Variants in LINGO2 observed in about 807,000 individuals in gnomAD.
LINGO2 encodes leucine-rich repeat and immunoglobulin-like domain-containing nogo receptor-interacting protein 2.
Under a neutral mutation model 30.6 loss-of-function variants are expected in LINGO2, and 14 were observed. That is an observed-to-expected ratio of 0.46 (90% CI 0.30 to 0.72). LINGO2 has a LOEUF of 0.72. Ranked by LOEUF, LINGO2 falls within the 30% of genes least tolerant of loss-of-function variation. LINGO2 has a pLI of 0.07. For missense variants in LINGO2, 729 were observed against 751.7 expected (o/e 0.97, Z 0.35); for synonymous variants, 317 against 288.5 (o/e 1.10, Z -1.00).
intron 4 of LINGO2, among the ~76,000 whole-genome samples, chr9:28,111,164 C>T (rs541429303): frequency 1.3e-5 from 2 of 152,162 alleles, no homozygotes; most frequent in African/African-American, 2.4e-5. Context: ...CATGTTCTCA[C>T]TCATAAGTGG....
chr9:28,883,317 C>T, the LINGO2 span, among the ~76,000 whole-genome samples: 8 of 152,102 alleles, frequency 5.3e-5, no homozygotes, highest in Middle Eastern at 3.4e-3. Context: ...ACCTCACAGG[C>T]GTGAGCCACT....
chr9:27,945,138 A>G (rs998820321), downstream of LINGO2, among the ~76,000 whole-genome samples: 1 of 152,126 alleles, frequency 6.6e-6, no homozygotes, highest in Non-Finnish European at 1.5e-5. Context: ...AGTTAAAACA[A>G]ATGTCTTGAC....
At chr9:28,357,329 A>C (rs1820260212) in intron 3 of LINGO2, among the ~76,000 whole-genome samples, 1 of 108,660 alleles carries the variant, frequency 9.2e-6, no homozygotes, top group African/African-American at 3.4e-5. Context: ...ACCCCCCCCA[A>C]AAAAGAAAGC....
At chr9:28,294,154 T>C (rs1182875704) in intron 4 of LINGO2, among the ~76,000 whole-genome samples, 1 of 152,332 alleles carries the variant, frequency 6.6e-6, no homozygotes, top group East Asian at 1.9e-4. Flanking sequence ...AAAGTTAATG[T>C]TTATTAAACT....
At chr9:28,254,656 C>T (rs913283203) in intron 4 of LINGO2, among the ~76,000 whole-genome samples, 78 of 152,000 alleles carry the variant, frequency 5.1e-4, no homozygotes, top group African/African-American at 1.8e-3. Flanking sequence ...GCCATAACAT[C>T]TGTCCTTTTA....
At chr9:28,946,047 T>C in the LINGO2 span, among the ~76,000 whole-genome samples, 2 of 152,180 alleles carry the variant, frequency 1.3e-5, no homozygotes, top group African/African-American at 4.8e-5. Context: ...TTATCAAACC[T>C]ATCAGTAGAT....
chr9:28,664,391 C>T (rs1374491835), intron 1 of LINGO2, among the ~76,000 whole-genome samples: 1 of 151,948 alleles, frequency 6.6e-6, no homozygotes, highest in Non-Finnish European at 1.5e-5. Context: ...AGGTTAGAAG[C>T]CTGAGAGACC....
chr9:28,094,510 GAT>G (rs1346667416), intron 4 of LINGO2, among the ~76,000 whole-genome samples: 5 of 146,942 alleles, frequency 3.4e-5, no homozygotes, highest in African/African-American at 7.7e-5. Context: ...AGAGAAAGGG[GAT>G]ATGTGTGTGT....
intron 3 of LINGO2, among the ~76,000 whole-genome samples, chr9:28,312,393 T>C (rs1178706587): frequency 6.6e-6 from 1 of 151,648 alleles, no homozygotes; most frequent in Non-Finnish European, 1.5e-5. Flanking sequence ...TCAAGGAAAA[T>C]AAGAAAATGA....
chr9:28,691,341 C>A, the LINGO2 span, among the ~76,000 whole-genome samples: 1 of 152,086 alleles, frequency 6.6e-6, no homozygotes, highest in Non-Finnish European at 1.5e-5. Flanking sequence ...GCTCGCTCAC[C>A]CTTGGGTAAA....
At chr9:28,246,771 A>G (rs562487424) in intron 4 of LINGO2, among the ~76,000 whole-genome samples, 1 of 152,332 alleles carries the variant, frequency 6.6e-6, no homozygotes, top group Admixed American at 6.5e-5. Flanking sequence ...ATTAAACTAA[A>G]GAGCTTCTGC....
chr9:28,588,162 A>G (rs181607914), intron 1 of LINGO2, among the ~76,000 whole-genome samples: 1 of 152,218 alleles, frequency 6.6e-6, no homozygotes, highest in East Asian at 1.9e-4. Context: ...GACATAGTTC[A>G]GTAAGGCAGC....
rs150008201 is a variant in LINGO2 at position 28,389,705 on chromosome 9, C to A, written c.-278-16837G>T. On this transcript the variant is annotated intron_variant, in intron 2 of 5. Transcript: ENST00000379992. ...CAACTTCCCACACGAAACAAACAAA[C>A]GAAAACCTCACCTTTCATAAATGCA... Among the ~76,000 whole-genome samples the A allele has an allele frequency of 7.0e-3, 1,066 of 152,270 alleles. 10 individuals carry two copies. The highest frequency in any genetic ancestry group is 0.025 in the African/African-American group (1,023 of 41,572).
At chr9:29,073,839 T>C in the LINGO2 span, among the ~76,000 whole-genome samples, 7 of 152,184 alleles carry the variant, frequency 4.6e-5, no homozygotes, top group African/African-American at 1.7e-4. Context: ...ACACAAATGT[T>C]TATTTGACAA....
At chr9:28,628,549 T>G (rs1826790670) in intron 1 of LINGO2, among the ~76,000 whole-genome samples, 1 of 152,106 alleles carries the variant, frequency 6.6e-6, no homozygotes, top group South Asian at 2.1e-4. Context: ...GTAACTGATT[T>G]TCCAAGGCTT....
chr9:28,522,421 A>G (rs1258351909), intron 1 of LINGO2, among the ~76,000 whole-genome samples: 1 of 152,164 alleles, frequency 6.6e-6, no homozygotes, highest in Admixed American at 6.5e-5. Context: ...GGGAGTACAG[A>G]GCTACTAGTG....
chr9:28,318,962 A>C (rs77806966), intron 3 of LINGO2, among the ~76,000 whole-genome samples: 4,021 of 152,170 alleles, frequency 0.026, 167 homozygotes, highest in African/African-American at 0.091. Flanking sequence ...TGCTACATAC[A>C]CTTGGTTAGT....
the LINGO2 span, among the ~76,000 whole-genome samples, chr9:28,957,491 G>T: frequency 6.6e-6 from 1 of 152,110 alleles, no homozygotes; most frequent in African/African-American, 2.4e-5. Flanking sequence ...GCATTCTCTA[G>T]ATTCTCTTAA....
At chr9:27,939,994 G>A in the LINGO2 span, 2 of 152,154 alleles carry the variant, frequency 1.3e-5, no homozygotes, top group Non-Finnish European at 2.9e-5. Context: ...CTCTCTAGCA[G>A]TCTGTTCTTT....
Sources: gnomAD v4.1 joint callset for allele counts (sites outside exome capture counted in the v4.1 genomes callset) on GRCh38, gnomAD v4.1.1 for gene constraint, MANE v1.5 for transcripts, NCBI Gene and HGNC (gene_info 2026-07-23, HGNC 2026-07-21) for gene names.